The following HADHB variants were observed in gnomAD, a reference collection of about 807,000 sequenced individuals.
HADHB encodes trifunctional enzyme subunit beta, mitochondrial.
In HADHB, 50 loss-of-function variants were observed where a neutral mutation model predicts 61.9. That is an observed-to-expected ratio of 0.81 (90% CI 0.64 to 1.02). HADHB has a LOEUF of 1.02. HADHB is among the 50% of genes least tolerant of loss of function. The pLI is 0.00. For synonymous variants in HADHB, 191 were observed against 201.6 expected, an observed-to-expected ratio of 0.95 and a Z score of 0.45; for missense variants, 504 against 586.5, an observed-to-expected ratio of 0.86 and a Z score of 1.45.
At position 26,255,930 on chromosome 2, in the gene HADHB, G is replaced by T. The variant is rs60411527; in HGVS notation, c.109+1456G>T. ...TAATGTTGACCCAGGTCTTTGCTTT[G>T]CAAAGTCACACAAATAGACCTGATC... is the stretch of plus-strand genomic sequence containing the variant. On this transcript the variant is annotated intron_variant, in intron 3 of 15. Transcript: ENST00000317799. 3.8e-3 allele frequency among the ~76,000 whole-genome samples: 584 copies of T among 152,228 alleles called. 4 individuals carry two copies. Among genetic ancestry groups the T allele is most frequent in the African/African-American group, 0.013 (550 of 41,526 alleles).
chr2:26,248,038 A>G (rs1671233543), intron 1 of HADHB, among the ~76,000 whole-genome samples: 1 of 152,206 alleles, frequency 6.6e-6, no homozygotes, highest in African/African-American at 2.4e-5. Flanking sequence ...TCATAGCTTC[A>G]GGGACTTTCT....
Position 26,285,400 on chromosome 2 carries a change from G to T in HADHB, c.1225-7G>T. ...TATCTTTACATTTGTGTCTTTGGGG[G>T]AGCCAGGTTGGATTGCCTCCTTTGG... is the stretch of plus-strand genomic sequence containing the variant. On this transcript the variant is annotated splice_polypyrimidine_tract_variant and splice_region_variant and intron_variant, in intron 14 of 15. Transcript: ENST00000317799. The T allele has an allele frequency of 6.2e-7, 1 of 1,612,354 alleles. No individual in the cohort carries two copies. Among genetic ancestry groups the T allele is most frequent in the Middle Eastern group, 1.7e-4 (1 of 6,018 alleles).
At chr2:26,269,918 G>A in intron 4 of HADHB, 35 bp from the exon 5 acceptor site, 1 of 1,478,308 alleles carries the variant, frequency 6.8e-7, no homozygotes, top group Non-Finnish European at 9.5e-7. Context: ...GAAGCTCTAG[G>A]GTTTTGGTTT....
intron 4 of HADHB, among the ~76,000 whole-genome samples, chr2:26,268,306 A>G (rs758311872): frequency 2.6e-5 from 4 of 152,236 alleles, no homozygotes; most frequent in African/African-American, 7.2e-5. Context: ...ATCAATTACT[A>G]TGATGATTTC....
chr2:26,247,775 A>G (rs1671224675), intron 1 of HADHB, among the ~76,000 whole-genome samples: 1 of 152,232 alleles, frequency 6.6e-6, no homozygotes, highest in African/African-American at 2.4e-5. Context: ...GATTTAGAGT[A>G]TGCATGAGGA....
rs6748199 is a variant in HADHB at position 26,268,052 on chromosome 2, A to G, written c.210-1901A>G. Among the ~76,000 whole-genome samples the G allele has an allele frequency of 6.3e-3, 954 of 152,180 alleles. 9 individuals carry two copies. Among genetic ancestry groups the G allele is most frequent in the African/African-American group, 0.022 (893 of 41,530 alleles). The stretch of plus-strand genomic sequence containing the variant: ...ACCTACAAGGGAGGCCGAAGTGGGA[A>G]GATTGCTTGAGCCCATGAGTTTGAG... On this transcript the variant is annotated intron_variant, in intron 4 of 15. Transcript: ENST00000317799.
intron 3 of HADHB, chr2:26,261,042 C>T: frequency 1.3e-6 from 2 of 1,503,480 alleles, no homozygotes; most frequent in African/African-American, 1.4e-5. Context: ...TTCTGGTTGG[C>T]TCCTATATGG....
intron 15 of HADHB, among the ~76,000 whole-genome samples, chr2:26,288,141 C>T (rs1360042668): frequency 6.6e-6 from 1 of 151,976 alleles, no homozygotes; most frequent in Non-Finnish European, 1.5e-5. Context: ...ATGGTACGCA[C>T]CTGTGGTCCC....
In HADHB at chr2:26,284,040, A is replaced by G. The variant is rs906882719; in HGVS notation, c.1062-77A>G. 1.1e-5 allele frequency: 9 copies of G among 802,136 alleles called. No homozygotes were observed. In the East Asian group the frequency reaches 2.2e-4, roughly 20 times the overall value. 49.7% of individuals were successfully genotyped at this position (802,136 alleles called of 1,614,324 possible). ...AAAGACATTAGAGTACCTATGTAAAACTCAGTTTGGGGAATATGAAGGAGC... is the reference window on the plus strand; with the variant it reads ...AAAGACATTAGAGTACCTATGTAAAGCTCAGTTTGGGGAATATGAAGGAGC... On this transcript the variant is annotated intron_variant, in intron 12 of 15. Coordinates refer to ENST00000317799, the MANE Select transcript of HADHB (RefSeq NM_000183.3).
At chr2:26,280,681 C>T (rs1044647374) in intron 10 of HADHB, among the ~76,000 whole-genome samples, 1 of 151,828 alleles carries the variant, frequency 6.6e-6, no homozygotes, top group Non-Finnish European at 1.5e-5. Flanking sequence ...GGAGAAACCC[C>T]GTCTCTACTA....
At chr2:26,271,463 C>T (rs1338946929) in intron 5 of HADHB, among the ~76,000 whole-genome samples, 6 of 152,020 alleles carry the variant, frequency 3.9e-5, no homozygotes, top group East Asian at 1.9e-4. Context: ...GCCGAGATCA[C>T]GCCATTGCAC....
At chr2:26,284,056 A>G in intron 12 of HADHB, 61 bp from the exon 13 acceptor site, 1 of 897,522 alleles carries the variant, frequency 1.1e-6, no homozygotes, top group Non-Finnish European at 1.9e-6. Flanking sequence ...TTTGGGGAAT[A>G]TGAAGGAGCT....
At position 26,290,255 on chromosome 2, in the gene HADHB, A is replaced by G; in HGVS notation, c.*302A>G. The G allele has an allele frequency of 2.3e-6, 1 of 440,332 alleles. No individual in the cohort carries two copies. The highest frequency in any genetic ancestry group is 4.1e-6 in the Non-Finnish European group (1 of 241,302). 27.3% of individuals were successfully genotyped at this position (440,332 alleles called of 1,614,324 possible). A position where few individuals can be genotyped will look rare whatever the true frequency, so the allele number is the denominator to read the frequency against. Reference sequence around the variant, plus strand: ...AGGGTTTGCAGTTGGGAAAGAGGTCAACTGAGATTTGGAAATCATCTTTGT... The same window carrying G: ...AGGGTTTGCAGTTGGGAAAGAGGTCGACTGAGATTTGGAAATCATCTTTGT... On this transcript the variant is annotated 3_prime_UTR_variant, in exon 16 of 16. Coordinates refer to ENST00000317799, the MANE Select transcript of HADHB (RefSeq NM_000183.3).
At chr2:26,272,311 C>T (rs1334682155) in intron 5 of HADHB, among the ~76,000 whole-genome samples, 1 of 151,000 alleles carries the variant, frequency 6.6e-6, no homozygotes, top group Non-Finnish European at 1.5e-5. Flanking sequence ...AATGTATATA[C>T]CCCGTGTTCC....
At chr2:26,260,203 T>C (rs573998017) in intron 3 of HADHB, among the ~76,000 whole-genome samples, 39 of 150,426 alleles carry the variant, frequency 2.6e-4, no homozygotes, top group African/African-American at 9.3e-4. Flanking sequence ...TGCCTCAGCC[T>C]CCCCAGTAGC....
Position 26,280,000 on chromosome 2 carries a change from A to T in HADHB, c.818A>T (p.Asp273Val). The T allele has an allele frequency of 6.2e-7, 1 of 1,608,210 alleles. No individual in the cohort carries two copies. Among genetic ancestry groups the T allele is most frequent in the East Asian group, 2.2e-5 (1 of 44,852 alleles). The part of the protein sequence containing the change: ...DVVPFKVPGK[D>V]TVTKDNGIRP... ...AAATTCATTTTTTTAATAGGAAAAG[A>T]TACAGTTACCAAAGATAATGGCATC... The change falls in exon 10 of 16, where the codon GAT (aspartate) becomes GTT (valine). Residue 273 changes from aspartate (D) to valine (V), a missense_variant. Asp to Val is a radical substitution (Grantham distance 152). Coordinates refer to ENST00000317799, the MANE Select transcript of HADHB (RefSeq NM_000183.3).
Position 26,273,761 on chromosome 2 carries a change from CA to C in HADHB, c.354+14del. On this transcript the variant is annotated intron_variant, in intron 6 of 15. Coordinates refer to ENST00000317799, the MANE Select transcript of HADHB (RefSeq NM_000183.3). ...AATGTGGCTAGAGAGGTGAGTAAAA[CA>C]AACTTTATGTTGTTTAAAGAGTGAT... The C allele has an allele frequency of 1.5e-6, 2 of 1,334,020 alleles. No homozygotes were observed. Among genetic ancestry groups the C allele is most frequent in the Non-Finnish European group, 1.1e-6 (1 of 924,206 alleles). 82.6% of individuals were successfully genotyped at this position (1,334,020 alleles called of 1,614,324 possible). A position where few individuals can be genotyped will look rare whatever the true frequency, so the allele number is the denominator to read the frequency against.
At chr2:26,284,087 T>C (rs1672914450) in intron 12 of HADHB, 30 bp from the exon 13 acceptor site, 2 of 1,260,324 alleles carry the variant, frequency 1.6e-6, no homozygotes, top group South Asian at 2.4e-5. Context: ...AAATTAAAGT[T>C]TTAAGATATT....
chr2:26,275,704 A>G (rs1365609720), intron 6 of HADHB, among the ~76,000 whole-genome samples: 1 of 152,242 alleles, frequency 6.6e-6, no homozygotes, highest in Non-Finnish European at 1.5e-5. Flanking sequence ...AGTTCTCAAC[A>G]AAGCAGGTTG....
Sources: allele counts gnomAD v4.1 joint callset (sites outside exome capture counted in the v4.1 genomes callset), GRCh38; gene constraint gnomAD v4.1.1; transcripts MANE v1.5; gene names NCBI Gene and HGNC (gene_info 2026-07-23, HGNC 2026-07-21).